UACA: variants seen among roughly 807,000 people sequenced by gnomAD.
The protein encoded by UACA is uveal autoantigen with coiled-coil domains and ankyrin repeats, also known as nuclear membrane binding protein.
A neutral mutation model predicts 160.5 loss-of-function variants in UACA; 112 were observed. The ratio of observed to expected loss-of-function variants is 0.70; its 90% CI spans 0.60 to 0.82. The LOEUF (loss-of-function observed/expected upper bound fraction) is 0.82. Ranked by LOEUF, UACA falls within the 40% of genes least tolerant of loss-of-function variation. The pLI is 0.00. For synonymous variants in UACA, 557 were observed against 568.4 expected, an observed-to-expected ratio of 0.98 and a Z score of 0.29; for missense variants, 1,574 against 1,614.6, an observed-to-expected ratio of 0.97 and a Z score of 0.43.
chr15:70,740,796 C>T (rs1259867828), intron 1 of UACA, among the ~76,000 whole-genome samples: 1 of 152,080 alleles, frequency 6.6e-6, no homozygotes, highest in Non-Finnish European at 1.5e-5. Flanking sequence ...AATCCCAGCA[C>T]TTTAGGAGGC....
intron 9 of UACA, 75 bp from the exon 10 acceptor site, chr15:70,679,751 T>G (rs1897428560): frequency 3.6e-6 from 3 of 837,500 alleles, no homozygotes; most frequent in Non-Finnish European, 5.7e-6. Flanking sequence ...CAATTGGCAA[T>G]ACACCCAGTT....
chr15:70,675,899 G>T (rs1458402398), intron 13 of UACA, among the ~76,000 whole-genome samples: 1 of 152,106 alleles, frequency 6.6e-6, no homozygotes, highest in African/African-American at 2.4e-5. Context: ...GCAGCAAAAG[G>T]CCCTCACCAG....
intron 18 of UACA, among the ~76,000 whole-genome samples, chr15:70,659,886 C>A (rs912842086): frequency 1.3e-5 from 2 of 152,048 alleles, no homozygotes; most frequent in Non-Finnish European, 2.9e-5. Context: ...ACGTGTGCTA[C>A]CATCACATGT....
intron 1 of UACA, among the ~76,000 whole-genome samples, chr15:70,738,964 A>G (rs1899449910): frequency 6.6e-6 from 1 of 152,220 alleles, no homozygotes; most frequent in Admixed American, 6.5e-5. Flanking sequence ...GAAAGAATGG[A>G]AACATGAAAG....
chr15:70,699,323 T>C (rs1898243086), intron 2 of UACA, among the ~76,000 whole-genome samples: 1 of 152,152 alleles, frequency 6.6e-6, no homozygotes, highest in Non-Finnish European at 1.5e-5. Flanking sequence ...TCTAGACCAC[T>C]GGATAGTATT....
At chr15:70,755,533 G>A (rs948039792) in intron 1 of UACA, among the ~76,000 whole-genome samples, 1 of 152,018 alleles carries the variant, frequency 6.6e-6, no homozygotes, top group African/African-American at 2.4e-5. Context: ...AGCCAGGCAT[G>A]GTGACAGGAG....
At chr15:70,765,041 C>T (rs183330985), upstream of UACA, among the ~76,000 whole-genome samples, 326 of 152,322 alleles carry the variant, frequency 2.1e-3, no homozygotes, top group African/African-American at 7.5e-3. Flanking sequence ...CAGCAGCTAA[C>T]GAATAAAATC....
chr15:70,670,462 C>T (rs951988767), intron 15 of UACA, among the ~76,000 whole-genome samples: 1 of 152,124 alleles, frequency 6.6e-6, no homozygotes, highest in Non-Finnish European at 1.5e-5. Context: ...GGCCTTCTTC[C>T]AAGTGTACTT....
intron 11 of UACA, 54 bp from the exon 12 acceptor site, chr15:70,677,194 G>T: frequency 7.4e-7 from 1 of 1,354,666 alleles, no homozygotes; most frequent in Non-Finnish European, 1.0e-6. Context: ...TATTTTAAAA[G>T]GCATGAACTT....
rs1897000079 is a variant in UACA, at chr15:70,668,172, G to C, written c.2512C>G (p.Gln838Glu). 6.2e-7 allele frequency: 1 copy of C among 1,611,360 alleles called. No individual in the cohort carries two copies. Among genetic ancestry groups the C allele is most frequent in the Admixed American group, 1.7e-5 (1 of 59,556 alleles). ...GATGTGAGAGCGTGTATTTTCTCCT[G>C]GTCTTCACCACATTTTTTCTTAAGT... Reference protein sequence around the residue: ...SELKKKCGEDQEKIHALTSEN... With the variant: ...SELKKKCGEDEEKIHALTSEN... Residue 838 changes from glutamine (Q) to glutamate (E), a missense_variant, in exon 16 of 19, where the codon CAG (glutamine) becomes GAG (glutamate). Coordinates refer to ENST00000322954, the MANE Select transcript of UACA (RefSeq NM_018003.4).
At chr15:70,677,585 A>AT (rs1566970475) in intron 11 of UACA, among the ~76,000 whole-genome samples, 1 of 152,220 alleles carries the variant, frequency 6.6e-6, no homozygotes, top group African/African-American at 2.4e-5. Flanking sequence ...CAAATATCAC[A>AT]TAAGATTTCA....
the UACA span, among the ~76,000 whole-genome samples, chr15:70,775,018 T>A: frequency 6.6e-6 from 1 of 151,770 alleles, no homozygotes; most frequent in Non-Finnish European, 1.5e-5. Flanking sequence ...GAGATCACGC[T>A]ACAGCATTCC....
chr15:70,744,212 G>A (rs1414182033), intron 1 of UACA, among the ~76,000 whole-genome samples: 1 of 139,600 alleles, frequency 7.2e-6, no homozygotes, highest in African/African-American at 2.8e-5. Context: ...TTACGCCACT[G>A]CATTCCAGCC....
intron 1 of UACA, among the ~76,000 whole-genome samples, chr15:70,742,757 GT>G (rs910012097): frequency 2.6e-5 from 4 of 151,586 alleles, no homozygotes; most frequent in Admixed American, 6.6e-5. Context: ...TTTTTATTTT[GT>G]TTTTTTCACT....
At chr15:70,708,464 CTTT>C (rs1190953678) in intron 1 of UACA, among the ~76,000 whole-genome samples, 1 of 143,076 alleles carries the variant, frequency 7.0e-6, no homozygotes, top group African/African-American at 2.5e-5. Context: ...ACAATACTAT[CTTT>C]TTTTTTTTTT....
intron 1 of UACA, among the ~76,000 whole-genome samples, chr15:70,724,874 G>T (rs1281509330): frequency 6.8e-6 from 1 of 147,794 alleles, no homozygotes; most frequent in East Asian, 2.0e-4. Flanking sequence ...CTCTTGCCCA[G>T]AAGTTTGAGA....
chr15:70,713,334 C>T (rs570075247), intron 1 of UACA, among the ~76,000 whole-genome samples: 15 of 152,106 alleles, frequency 9.9e-5, no homozygotes, highest in African/African-American at 3.6e-4. Flanking sequence ...GGCGACAGAG[C>T]GAGAAAGAAT....
chr15:70,778,767 G>C, the UACA span: 1 of 152,280 alleles, frequency 6.6e-6, no homozygotes, highest in South Asian at 2.1e-4. Context: ...ATAAACAAAT[G>C]TCTGGAATAC....
At chr15:70,724,005 A>T (rs138411683) in intron 1 of UACA, among the ~76,000 whole-genome samples, 4 of 152,206 alleles carry the variant, frequency 2.6e-5, no homozygotes, top group African/African-American at 9.6e-5. Flanking sequence ...ATTCTGGTAT[A>T]TCTCTACTTC....
Sources: allele counts gnomAD v4.1 joint callset (sites outside exome capture counted in the v4.1 genomes callset), GRCh38; gene constraint gnomAD v4.1.1; transcripts MANE v1.5; gene names NCBI Gene and HGNC (gene_info 2026-07-23, HGNC 2026-07-21).